NUP205: variants seen among roughly 807,000 people sequenced by gnomAD.
The protein encoded by NUP205 is nuclear pore complex protein Nup205.
A neutral mutation model predicts 253.8 loss-of-function variants in NUP205; 76 were observed. That is an observed-to-expected ratio of 0.30 (90% CI 0.25 to 0.36). NUP205 has a LOEUF of 0.36. Among genes scored for constraint, NUP205 ranks in the 10% least tolerant of loss-of-function variants. The pLI is 1.00. For missense variants in NUP205, 2,162 were observed against 2,425.5 expected, an observed-to-expected ratio of 0.89 and a Z score of 2.28; for synonymous variants, 832 against 850.1, an observed-to-expected ratio of 0.98 and a Z score of 0.37.
intron 39 of NUP205, among the ~76,000 whole-genome samples, 198 bp from the exon 40 acceptor site, chr7:135,644,697 A>G (rs1389126051): frequency 6.6e-6 from 1 of 152,214 alleles, no homozygotes; most frequent in African/African-American, 2.4e-5. Context: ...CAGCAGATAA[A>G]TGTTCATTTG....
At chr7:135,594,458 A>G (rs1427802834) in intron 12 of NUP205, 89 bp from the exon 13 acceptor site, 3 of 977,978 alleles carry the variant, frequency 3.1e-6, no homozygotes. Context: ...ATGAGGACTC[A>G]GTATAAATGA....
chr7:135,588,279 T>C (rs1409400406), intron 10 of NUP205, among the ~76,000 whole-genome samples: 2 of 151,130 alleles, frequency 1.3e-5, no homozygotes, highest in Non-Finnish European at 3.0e-5. Context: ...TAGTCGGGAC[T>C]ACAGGCATAC....
rs1161980028 is a variant in NUP205, at chr7:135,578,808, C to G, written c.935C>G (p.Ser312Cys). ...AAACAGTACATTGCAACAATTCACT[C>G]TCGTCTTCAGGACTCACAGCTTTGG... ...TEKQYIATIH[S>C]RLQDSQLWKL... The change falls in exon 7 of 43, where the codon TCT (serine) becomes TGT (cysteine). Residue 312 changes from serine (S) to cysteine (C), a missense_variant. Transcript: ENST00000285968. 6.2e-7 allele frequency: 1 copy of G among 1,610,652 alleles called. No individual in the cohort carries two copies. Among genetic ancestry groups the G allele is most frequent in the Non-Finnish European group, 8.5e-7 (1 of 1,178,786 alleles).
chr7:135,601,021 A>AT (rs1793954977), intron 16 of NUP205, 52 bp downstream of exon 16: 5 of 931,366 alleles, frequency 5.4e-6, no homozygotes, highest in Non-Finnish European at 8.4e-6. Context: ...TATAATTTAT[A>AT]AATTATGGCT....
At chr7:135,607,418 C>T (rs1414777826) in intron 22 of NUP205, 47 bp downstream of exon 22, 4 of 1,597,988 alleles carry the variant, frequency 2.5e-6, no homozygotes, top group African/African-American at 1.3e-5. Flanking sequence ...AGAAACTTGA[C>T]CAGGTGCATG....
At chr7:135,568,479 G>A (rs1216511524) in intron 1 of NUP205, among the ~76,000 whole-genome samples, 1 of 151,500 alleles carries the variant, frequency 6.6e-6, no homozygotes, top group Non-Finnish European at 1.5e-5. Flanking sequence ...TTACAGGTGT[G>A]CGCCACCACT....
At chr7:135,576,849 T>C in intron 4 of NUP205, 120 bp from the exon 5 acceptor site, 3 of 925,192 alleles carry the variant, frequency 3.2e-6, no homozygotes, top group East Asian at 2.7e-5. Context: ...GCCACTGCAC[T>C]CCAGCCTGGG....
At position 135,571,229 on chromosome 7, in the gene NUP205, C is replaced by T. The variant is rs376170020; in HGVS notation, c.153C>T (p.Ile51=). Residue 51 remains isoleucine, a synonymous_variant, in exon 2 of 43, where the codon ATC becomes ATT. Coordinates refer to ENST00000285968, the MANE Select transcript of NUP205 (RefSeq NM_015135.3). The part of the protein sequence containing the change: ...KILKKHKPDF[I]SLFKNPPKNV... ...TGAAGAAACACAAACCTGACTTCAT[C>T]TCATTGTTCAAAAATCCGGTAAGAA... The T allele has an allele frequency of 3.5e-4, 484 of 1,394,598 alleles. 1 individual carries two copies. The highest frequency in any genetic ancestry group is 6.2e-4 in the Admixed American group (22 of 35,632). 86.4% of individuals were successfully genotyped at this position (1,394,598 alleles called of 1,614,324 possible).
At chr7:135,600,043 A>T (rs1355296760) in intron 15 of NUP205, among the ~76,000 whole-genome samples, 1 of 152,206 alleles carries the variant, frequency 6.6e-6, no homozygotes, top group Non-Finnish European at 1.5e-5. Context: ...CCCATTTTCT[A>T]ACTCAACCTT....
chr7:135,558,337 C>A, intron 1 of NUP205: 1 of 281,098 alleles, frequency 3.6e-6, no homozygotes, highest in Non-Finnish European at 7.1e-6. Context: ...AGCCAGAGGA[C>A]CCGAGATATT....
intron 11 of NUP205, among the ~76,000 whole-genome samples, chr7:135,592,115 A>G (rs2129490273): frequency 6.6e-6 from 1 of 152,312 alleles, no homozygotes; most frequent in African/African-American, 2.4e-5. Flanking sequence ...GGTTTAGAGA[A>G]GTTAAGGAAT....
Position 135,638,025 on chromosome 7 carries a change from G to T in NUP205, c.5231G>T (p.Ser1744Ile). The change falls in exon 37 of 43, where the codon AGC (serine) becomes ATC (isoleucine). Residue 1744 changes from serine to isoleucine, a missense_variant. Coordinates refer to ENST00000285968, the MANE Select transcript of NUP205 (RefSeq NM_015135.3). ...QDDNVEGDKV[S>I]KKDEIELAMQ... is the part of the protein sequence containing the mutation. ...GATAATGTGGAGGGAGATAAAGTAAGCAAGAAAGATGAGATTGAACTGGCT... is the reference window on the plus strand; with the variant it reads ...GATAATGTGGAGGGAGATAAAGTAATCAAGAAAGATGAGATTGAACTGGCT... 1 of 1,614,074 alleles carries T rather than the reference G, an allele frequency of 6.2e-7. No individual in the cohort carries two copies. The highest frequency in any genetic ancestry group is 8.5e-7 in the Non-Finnish European group (1 of 1,179,984).
chr7:135,624,000 T>G lies in NUP205; in HGVS notation c.4479+1075T>G, dbSNP rs570453830. Among the ~76,000 whole-genome samples the G allele has an allele frequency of 6.3e-4, 96 of 152,236 alleles. 2 individuals carry two copies. Among genetic ancestry groups the G allele is most frequent in the Middle Eastern group, 3.4e-3 (1 of 294 alleles). ...GGTTTCACCATGTTAGCCAGGATGGTCTCGATCTCCTGACCTCGTGATCCT... is the reference window on the plus strand; with the variant it reads ...GGTTTCACCATGTTAGCCAGGATGGGCTCGATCTCCTGACCTCGTGATCCT... On this transcript the variant is annotated intron_variant, in intron 31 of 42. Transcript: ENST00000285968.
At chr7:135,610,945 A>G (rs547464316) in intron 22 of NUP205, among the ~76,000 whole-genome samples, 1 of 150,876 alleles carries the variant, frequency 6.6e-6, no homozygotes, top group Non-Finnish European at 1.5e-5. Flanking sequence ...TATAGCCCAC[A>G]TCTTAATAAA....
intron 38 of NUP205, among the ~76,000 whole-genome samples, chr7:135,642,086 C>T (rs1158277186): frequency 6.6e-6 from 1 of 151,752 alleles, no homozygotes; most frequent in Non-Finnish European, 1.5e-5. Flanking sequence ...GAAACCCCAT[C>T]TCTACTAAAA....
intron 10 of NUP205, among the ~76,000 whole-genome samples, chr7:135,590,474 C>G (rs1482606088): frequency 6.6e-6 from 1 of 151,830 alleles, no homozygotes; most frequent in South Asian, 2.1e-4. Flanking sequence ...TACATGAATT[C>G]TATCCCTTAA....
intron 16 of NUP205, 48 bp from the exon 17 acceptor site, chr7:135,601,322 C>G (rs181115983): frequency 1.1e-5 from 17 of 1,549,480 alleles, no homozygotes; most frequent in Non-Finnish European, 1.4e-5. Flanking sequence ...AAGGGTGTGA[C>G]AAAAATACTA....
intron 1 of NUP205, among the ~76,000 whole-genome samples, chr7:135,570,052 T>TATATATAGAG (rs1284263475): frequency 2.8e-4 from 22 of 79,182 alleles, no homozygotes; most frequent in African/African-American, 1.1e-3. Flanking sequence ...TATATATATA[T>TATATATAGAG]AGAGAGAGAG....
At chr7:135,588,317 T>G (rs1806529795) in intron 10 of NUP205, among the ~76,000 whole-genome samples, 1 of 150,584 alleles carries the variant, frequency 6.6e-6, no homozygotes, top group Non-Finnish European at 1.5e-5. Context: ...GTTTTTGTAT[T>G]TTTTGTAGAG....
Sources: gnomAD v4.1 joint callset for allele counts (sites outside exome capture counted in the v4.1 genomes callset) on GRCh38, gnomAD v4.1.1 for gene constraint, MANE v1.5 for transcripts, NCBI Gene and HGNC (gene_info 2026-07-23, HGNC 2026-07-21) for gene names.